Variants in PPP1R9A observed in about 807,000 individuals in gnomAD.
PPP1R9A encodes neurabin-1.
PPP1R9A carries 59 observed loss-of-function variants against 141.9 expected under a neutral mutation model. The observed-to-expected ratio is 0.42, with a 90% CI of 0.34 to 0.52. The LOEUF (loss-of-function observed/expected upper bound fraction) is 0.52, where lower values mean the gene tolerates loss of function less well. PPP1R9A is among the 20% of genes least tolerant of loss of function. PPP1R9A has a pLI of 0.10. For missense variants in PPP1R9A, 1,444 were observed against 1,611.9 expected (o/e 0.90, Z 1.78); for synonymous variants, 500 against 569.7 (o/e 0.88, Z 1.74).
At chr7:95,093,608 A>T (rs976023400) in intron 2 of PPP1R9A, among the ~76,000 whole-genome samples, 4 of 152,176 alleles carry the variant, frequency 2.6e-5, no homozygotes, top group Admixed American at 1.3e-4. Context: ...ACATTATAAA[A>T]TTTTTTGCCA....
At chr7:95,185,061 C>G (rs1202992035) in intron 5 of PPP1R9A, among the ~76,000 whole-genome samples, 4 of 147,922 alleles carry the variant, frequency 2.7e-5, no homozygotes, top group Non-Finnish European at 6.0e-5. Flanking sequence ...TTTTATTATA[C>G]TTTAAGTTTT....
At chr7:95,267,286 T>G (rs1340319352) in intron 12 of PPP1R9A, among the ~76,000 whole-genome samples, 1 of 152,240 alleles carries the variant, frequency 6.6e-6, no homozygotes. Flanking sequence ...TATAAGAAAT[T>G]GTTTATTCTG....
intron 2 of PPP1R9A, among the ~76,000 whole-genome samples, chr7:94,972,925 A>G (rs138872219): frequency 6.6e-6 from 1 of 152,338 alleles, no homozygotes; most frequent in African/African-American, 2.4e-5. Flanking sequence ...ACTGAATCCA[A>G]GTTTCATGTT....
intron 7 of PPP1R9A, among the ~76,000 whole-genome samples, chr7:95,215,786 G>T (rs1430119845): frequency 2.0e-5 from 3 of 152,158 alleles, no homozygotes; most frequent in Admixed American, 6.5e-5. Context: ...AGAAGTGTAT[G>T]TTCATATCCT....
chr7:95,080,717 C>T (rs114729930), intron 2 of PPP1R9A, among the ~76,000 whole-genome samples: 3,123 of 152,212 alleles, frequency 0.021, 106 homozygotes, highest in African/African-American at 0.071. Context: ...TAGAGCTTCT[C>T]ATGTGTCCGC....
intron 2 of PPP1R9A, among the ~76,000 whole-genome samples, chr7:95,009,019 G>A (rs1804030378): frequency 6.6e-6 from 1 of 152,148 alleles, no homozygotes; most frequent in Admixed American, 6.5e-5. Context: ...GATGAAGCTG[G>A]AAACCATCAT....
intron 2 of PPP1R9A, among the ~76,000 whole-genome samples, chr7:94,981,028 T>G (rs1412096714): frequency 6.6e-6 from 1 of 152,172 alleles, no homozygotes; most frequent in East Asian, 1.9e-4. Flanking sequence ...AGTGAATAAA[T>G]ATTTGTAAAT....
chr7:95,092,173 C>G, intron 2 of PPP1R9A, among the ~76,000 whole-genome samples: 1 of 152,168 alleles, frequency 6.6e-6, no homozygotes, highest in East Asian at 1.9e-4. Flanking sequence ...TGGATACAAT[C>G]TCACTGACCA....
chr7:95,237,937 C>T (rs1322920196), intron 8 of PPP1R9A, among the ~76,000 whole-genome samples: 1 of 151,790 alleles, frequency 6.6e-6, no homozygotes, highest in Admixed American at 6.6e-5. Context: ...TTTTTTAAGT[C>T]TTTCTACCTA....
intron 2 of PPP1R9A, among the ~76,000 whole-genome samples, chr7:95,064,292 C>G (rs1373046468): frequency 6.6e-6 from 1 of 152,176 alleles, no homozygotes; most frequent in Non-Finnish European, 1.5e-5. Context: ...TAACTTTGAA[C>G]TCATGGCTAG....
rs931276635 is a variant in PPP1R9A, at chr7:95,030,743, A to G, written c.1396-80516A>G. ...ATTTGATCGACTCAACCAAAGAGAT[A>G]GAAAAATTTGAAGTCAGATCCACTA... On this transcript the variant is annotated intron_variant, in intron 2 of 19. Coordinates refer to ENST00000433360, the MANE Select transcript of PPP1R9A (RefSeq NM_001166160.2). Among the ~76,000 whole-genome samples, 6 of 152,340 alleles carry G rather than the reference A, an allele frequency of 3.9e-5. No individual in the cohort carries two copies. In the South Asian group the frequency reaches 1.2e-3, roughly 32 times the overall value.
intron 16 of PPP1R9A, among the ~76,000 whole-genome samples, chr7:95,281,979 A>C (rs1191755213): frequency 1.3e-5 from 2 of 152,144 alleles, no homozygotes; most frequent in East Asian, 3.8e-4. Context: ...GGGACTGCAG[A>C]GAAAATATTT....
intron 4 of PPP1R9A, among the ~76,000 whole-genome samples, chr7:95,122,039 G>A (rs1822708477): frequency 6.6e-6 from 1 of 151,910 alleles, no homozygotes; most frequent in African/African-American, 2.4e-5. Context: ...TTAATGAATA[G>A]CTTTAAATTT....
At chr7:95,141,661 C>T (rs897968875) in intron 4 of PPP1R9A, among the ~76,000 whole-genome samples, 8 of 151,060 alleles carry the variant, frequency 5.3e-5, no homozygotes, top group African/African-American at 1.5e-4. Context: ...ACTAGAGAAA[C>T]GTTTTCAAGG....
intron 2 of PPP1R9A, among the ~76,000 whole-genome samples, chr7:95,078,610 G>T (rs955886232): frequency 6.6e-6 from 1 of 152,160 alleles, no homozygotes; most frequent in Non-Finnish European, 1.5e-5. Flanking sequence ...GTGTAAAAGT[G>T]TTCTATTTCT....
At chr7:95,059,194 C>A (rs1811893237) in intron 2 of PPP1R9A, among the ~76,000 whole-genome samples, 1 of 151,998 alleles carries the variant, frequency 6.6e-6, no homozygotes, top group Non-Finnish European at 1.5e-5. Context: ...TTTATCTTTA[C>A]TTTTGTAGGT....
intron 5 of PPP1R9A, among the ~76,000 whole-genome samples, chr7:95,181,287 CA>C (rs1234741905): frequency 3.0e-5 from 4 of 132,160 alleles, no homozygotes; most frequent in South Asian, 2.3e-4. Flanking sequence ...TATATTCCAT[CA>C]TATATATAGA....
At chr7:95,087,016 C>CAAAAAAAAAAAAAA (rs1563217925) in intron 2 of PPP1R9A, among the ~76,000 whole-genome samples, 1 of 145,300 alleles carries the variant, frequency 6.9e-6, no homozygotes, top group African/African-American at 2.8e-5. Context: ...GACACTGTCT[C>CAAAAAAAAAAAAAA]AAAAAATAAG....
intron 2 of PPP1R9A, among the ~76,000 whole-genome samples, chr7:95,087,902 A>G (rs1816839964): frequency 6.7e-6 from 1 of 149,892 alleles, no homozygotes; most frequent in South Asian, 2.1e-4. Context: ...CTCAAAAAAA[A>G]GAGAGAGAGA....
Sources: allele counts gnomAD v4.1 joint callset (sites outside exome capture counted in the v4.1 genomes callset), GRCh38; gene constraint gnomAD v4.1.1; transcripts MANE v1.5; gene names NCBI Gene and HGNC (gene_info 2026-07-23, HGNC 2026-07-21).